ATOH8: variants seen among roughly 807,000 people sequenced by gnomAD.
The protein encoded by ATOH8 is transcription factor ATOH8.
ATOH8 carries 9 observed loss-of-function variants against 21.2 expected under a neutral mutation model. The ratio of observed to expected loss-of-function variants is 0.42; its 90% CI spans 0.26 to 0.74. The LOEUF is 0.74. Among genes scored for constraint, ATOH8 ranks in the 30% least tolerant of loss-of-function variants. The probability of loss-of-function intolerance (pLI) is 0.24; values close to 1 mark genes in which losing one functional copy is unlikely to be tolerated. For synonymous variants in ATOH8, 253 were observed against 224.0 expected (o/e 1.13, Z -1.16); for missense variants, 524 against 470.9 (o/e 1.11, Z -1.04).
chr2:85,775,850 G>A lies in ATOH8; in HGVS notation c.961-11035G>A, dbSNP rs185411584. Among the ~76,000 whole-genome samples the A allele has an allele frequency of 1.1e-3, 175 of 152,302 alleles. 1 individual carries two copies. The highest frequency in any genetic ancestry group is 4.0e-3 in the African/African-American group (167 of 41,558). On this transcript the variant is annotated intron_variant, in intron 2 of 2. Coordinates refer to ENST00000306279, the MANE Select transcript of ATOH8 (RefSeq NM_032827.7). ...GTTGACCCTGATTTGTGACAAGGTGGTTTTCTTCCTGGGGAGCTAACTGTT... is the reference window on the plus strand; with the variant it reads ...GTTGACCCTGATTTGTGACAAGGTGATTTTCTTCCTGGGGAGCTAACTGTT...
At position 85,786,876 on chromosome 2, in the gene ATOH8, G is replaced by A; in HGVS notation, c.961-9G>A. 1 of 1,614,120 alleles carries A rather than the reference G, an allele frequency of 6.2e-7. No individual in the cohort carries two copies. Among genetic ancestry groups the A allele is most frequent in the Non-Finnish European group, 8.5e-7 (1 of 1,180,008 alleles). On this transcript the variant is annotated splice_polypyrimidine_tract_variant and intron_variant, in intron 2 of 2. Coordinates refer to ENST00000306279, the MANE Select transcript of ATOH8 (RefSeq NM_032827.7). The stretch of plus-strand genomic sequence containing the variant: ...GGGGCAGCTTTTAATGGCTGGTCAT[G>A]TCTTTCAGGAGTGACTGGCTGCAGG...
Position 85,764,155 on chromosome 2 carries a change from G to C in ATOH8, c.933G>C (p.Gln311His), listed in dbSNP as rs1466561304. 6.2e-7 allele frequency: 1 copy of C among 1,614,056 alleles called. No homozygotes were observed. Among genetic ancestry groups the C allele is most frequent in the Non-Finnish European group, 8.5e-7 (1 of 1,180,042 alleles). The change falls in exon 2 of 3, where the codon CAG (glutamine) becomes CAC (histidine). Residue 311 changes from glutamine (Q) to histidine (H), a missense_variant. By Grantham distance (24) the Gln-to-His change is conservative. Coordinates refer to ENST00000306279, the MANE Select transcript of ATOH8 (RefSeq NM_032827.7). ...TGCAGCGCTGCACCCGCACCCTGCA[G>C]GCCGAGGGACGTGCCAAGAAGCGCA... ...ECVQRCTRTLQAEGRAKKRKE is the reference protein window; with the variant it reads ...ECVQRCTRTLHAEGRAKKRKE
chr2:85,779,104 T>C (rs1000758622), intron 2 of ATOH8, among the ~76,000 whole-genome samples: 5 of 152,246 alleles, frequency 3.3e-5, no homozygotes, highest in Non-Finnish European at 7.4e-5. Context: ...GGTGCCCCCT[T>C]GAGCCTGGAT....
In ATOH8 at chr2:85,790,845, G is replaced by T. The variant is rs892352845; in HGVS notation, c.*3955G>T. 6.6e-6 allele frequency among the ~76,000 whole-genome samples: 1 copy of T among 152,198 alleles called. No homozygotes were observed. Among genetic ancestry groups the T allele is most frequent in the South Asian group, 2.1e-4 (1 of 4,830 alleles). The stretch of plus-strand genomic sequence containing the variant: ...GTGGGAAGCCGGCGAGGGGACTGGA[G>T]TTGGGGCTACACTTGCCTCCCTCCT... On this transcript the variant is annotated 3_prime_UTR_variant, in exon 3 of 3. Transcript: ENST00000306279.
intron 2 of ATOH8, chr2:85,774,920 C>T (rs1330773825): frequency 1.1e-6 from 1 of 944,028 alleles, no homozygotes; most frequent in Non-Finnish European, 1.3e-6. Context: ...AGGCTCAGCT[C>T]CTCCTGAAAG....
chr2:85,778,974 T>C (rs923638761), intron 2 of ATOH8, among the ~76,000 whole-genome samples: 1 of 150,946 alleles, frequency 6.6e-6, no homozygotes, highest in South Asian at 2.1e-4. Flanking sequence ...CTGAGTGGGC[T>C]GCCCCCTCCT....
chr2:85,777,055 T>C (rs1476162754), intron 2 of ATOH8, among the ~76,000 whole-genome samples: 1 of 151,890 alleles, frequency 6.6e-6, no homozygotes, highest in Admixed American at 6.6e-5. Context: ...GAGTAAAACA[T>C]GAAGGGCCCT....
chr2:85,764,682 T>C (rs141893748), intron 2 of ATOH8, among the ~76,000 whole-genome samples: 14 of 152,274 alleles, frequency 9.2e-5, no homozygotes, highest in Middle Eastern at 3.4e-3. Flanking sequence ...CTGATGAAGC[T>C]CCAACCATGT....
chr2:85,763,154 A>C (rs1679912846), intron 1 of ATOH8, among the ~76,000 whole-genome samples: 1 of 152,096 alleles, frequency 6.6e-6, no homozygotes, highest in African/African-American at 2.4e-5. Context: ...GATTTTGTGG[A>C]GCTATTTCCA....
intron 1 of ATOH8, among the ~76,000 whole-genome samples, chr2:85,755,486 G>A (rs969518732): frequency 2.0e-5 from 3 of 152,156 alleles, no homozygotes; most frequent in African/African-American, 4.8e-5. Context: ...TCAAGAACCC[G>A]CGCTACAAGC....
At chr2:85,770,182 C>T (rs934062809) in intron 2 of ATOH8, among the ~76,000 whole-genome samples, 1 of 151,514 alleles carries the variant, frequency 6.6e-6, no homozygotes, top group African/African-American at 2.5e-5. Context: ...CTCACCAACC[C>T]TTGAGGTGGG....
At position 85,787,399 on chromosome 2, in the gene ATOH8, A is replaced by C. The variant is rs1680649478; in HGVS notation, c.*509A>C. On this transcript the variant is annotated 3_prime_UTR_variant, in exon 3 of 3. Coordinates refer to ENST00000306279, the MANE Select transcript of ATOH8 (RefSeq NM_032827.7). ...CCCTCTGACCTGGTGCTCTCTCTCCACTGGGCCTTGTGCTGGCTGAGTGCA... is the reference window on the plus strand; with the variant it reads ...CCCTCTGACCTGGTGCTCTCTCTCCCCTGGGCCTTGTGCTGGCTGAGTGCA... 6.4e-6 allele frequency: 1 copy of C among 156,240 alleles called. No individual in the cohort carries two copies. The highest frequency in any genetic ancestry group is 2.0e-4 in the South Asian group (1 of 5,022). The allele number at this position is 156,240 out of a possible 1,614,324, so 9.7% of individuals were successfully genotyped here.
At position 85,789,982 on chromosome 2, in the gene ATOH8, C is replaced by T. The variant is rs891639140; in HGVS notation, c.*3092C>T. On this transcript the variant is annotated 3_prime_UTR_variant, in exon 3 of 3. Coordinates refer to ENST00000306279, the MANE Select transcript of ATOH8 (RefSeq NM_032827.7). ...GCACATGCATACCCACACACACACT[C>T]GTGTACATTTCCAGAAAATGGAATT... Among the ~76,000 whole-genome samples the T allele has an allele frequency of 6.6e-6, 1 of 151,920 alleles. No individual in the cohort carries two copies. Among genetic ancestry groups the T allele is most frequent in the African/African-American group, 2.4e-5 (1 of 41,298 alleles).
At chr2:85,781,208 T>G (rs964734538) in intron 2 of ATOH8, 13 of 407,002 alleles carry the variant, frequency 3.2e-5, no homozygotes, top group Non-Finnish European at 4.3e-5. Context: ...GGGACAATAG[T>G]TAACCAAATG....
chr2:85,769,943 AT>A (rs1680134717), intron 2 of ATOH8, among the ~76,000 whole-genome samples: 1 of 152,108 alleles, frequency 6.6e-6, no homozygotes, highest in Non-Finnish European at 1.5e-5. Context: ...GTCATAAGTG[AT>A]TTCTAAGGCC....
intron 2 of ATOH8, among the ~76,000 whole-genome samples, chr2:85,776,275 C>T (rs576214609): frequency 1.2e-4 from 18 of 152,212 alleles, no homozygotes; most frequent in Non-Finnish European, 2.2e-4. Flanking sequence ...TGCCTGGCGG[C>T]TTGGGGCCTG....
intron 1 of ATOH8, among the ~76,000 whole-genome samples, chr2:85,761,904 A>G (rs1424381460): frequency 6.6e-6 from 1 of 152,178 alleles, no homozygotes; most frequent in Non-Finnish European, 1.5e-5. Flanking sequence ...AGCTGCAGCC[A>G]GGGCTGGGAG....
intron 2 of ATOH8, chr2:85,775,054 A>G: frequency 7.1e-6 from 7 of 979,514 alleles, no homozygotes; most frequent in Non-Finnish European, 8.5e-6. Context: ...GTTAGACAAT[A>G]TGAAACTCTA....
At chr2:85,755,746 A>G (rs1025485483) in intron 1 of ATOH8, among the ~76,000 whole-genome samples, 28 of 152,022 alleles carry the variant, frequency 1.8e-4, no homozygotes, top group African/African-American at 6.3e-4. Context: ...TAACCCAAGA[A>G]TTACCCGTGG....
Sources: gnomAD v4.1 joint callset for allele counts (sites outside exome capture counted in the v4.1 genomes callset) on GRCh38, gnomAD v4.1.1 for gene constraint, MANE v1.5 for transcripts, NCBI Gene and HGNC (gene_info 2026-07-23, HGNC 2026-07-21) for gene names.